PTPRD: variants seen among roughly 807,000 people sequenced by gnomAD.
PTPRD encodes protein tyrosine phosphatase receptor type D.
In PTPRD, 34 loss-of-function variants were observed where a neutral mutation model predicts 214.5. The ratio of observed to expected loss-of-function variants is 0.16; its 90% CI spans 0.12 to 0.21. The LOEUF is 0.21. Ranked by LOEUF, PTPRD falls within the 10% of genes least tolerant of loss-of-function variation. The probability of loss-of-function intolerance (pLI) is 1.00; values close to 1 mark genes in which losing one functional copy is unlikely to be tolerated. For synonymous variants in PTPRD, 1,128 were observed against 845.7 expected, an observed-to-expected ratio of 1.33 and a Z score of -5.79; for missense variants, 2,545 against 2,398.7, an observed-to-expected ratio of 1.06 and a Z score of -1.27.
chr9:9,654,638 C>T (rs2096462380), intron 7 of PTPRD, among the ~76,000 whole-genome samples: 1 of 152,020 alleles, frequency 6.6e-6, no homozygotes, highest in Non-Finnish European at 1.5e-5. Context: ...TTCTACATTC[C>T]CATGTTTGGT....
intron 12 of PTPRD, among the ~76,000 whole-genome samples, chr9:8,645,661 G>T (rs76757259): frequency 0.087 from 13,151 of 151,636 alleles, 677 homozygotes; most frequent in Middle Eastern, 0.17. Context: ...GAAGAAGAAA[G>T]GGAAGGAAGA....
chr9:10,372,515 TA>T (rs2097647099), intron 2 of PTPRD, among the ~76,000 whole-genome samples: 1 of 152,084 alleles, frequency 6.6e-6, no homozygotes, highest in Non-Finnish European at 1.5e-5. Context: ...CTTGAATTCT[TA>T]CCTTAAATTT....
At chr9:10,327,393 G>A (rs890627717) in intron 3 of PTPRD, among the ~76,000 whole-genome samples, 1 of 151,378 alleles carries the variant, frequency 6.6e-6, no homozygotes, top group Non-Finnish European at 1.5e-5. Context: ...ATCATAAAAT[G>A]TATGTGTTTC....
chr9:10,135,781 A>G (rs2154262316), intron 3 of PTPRD, among the ~76,000 whole-genome samples: 1 of 152,096 alleles, frequency 6.6e-6, no homozygotes, highest in Non-Finnish European at 1.5e-5. Context: ...AAACACACTT[A>G]AGTACATTTC....
intron 6 of PTPRD, among the ~76,000 whole-genome samples, chr9:9,756,423 A>C: frequency 6.6e-6 from 1 of 152,128 alleles, no homozygotes; most frequent in Middle Eastern, 3.2e-3. Flanking sequence ...GTTTACGTTC[A>C]TTGTATTGGT....
intron 2 of PTPRD, among the ~76,000 whole-genome samples, chr9:10,479,662 C>CTAAATAAATACATAAATACATAAATAAAT (rs2099085246): frequency 1.9e-5 from 1 of 52,596 alleles, no homozygotes; most frequent in Non-Finnish European, 4.3e-5. Flanking sequence ...AATAAATAAA[C>CTAAATAAATACATAAATACATAAATAAAT]AAAAATACAA....
chr9:10,144,744 C>T (rs978415514), intron 3 of PTPRD, among the ~76,000 whole-genome samples: 6 of 152,184 alleles, frequency 3.9e-5, no homozygotes, highest in African/African-American at 1.4e-4. Context: ...TATATGGCTG[C>T]TGAAACGATC....
intron 3 of PTPRD, among the ~76,000 whole-genome samples, chr9:10,173,044 C>T (rs1333139151): frequency 1.3e-5 from 2 of 152,078 alleles, no homozygotes; most frequent in East Asian, 1.9e-4. Flanking sequence ...GTATTAATTA[C>T]CTAACAAATA....
At chr9:8,681,124 C>T (rs1169489470) in intron 12 of PTPRD, among the ~76,000 whole-genome samples, 9 of 152,146 alleles carry the variant, frequency 5.9e-5, no homozygotes, top group South Asian at 2.1e-4. Flanking sequence ...ACCAAGGTTA[C>T]GTCATTCCCA....
chr9:9,635,786 C>T (rs1278408566), intron 7 of PTPRD, among the ~76,000 whole-genome samples: 2 of 152,176 alleles, frequency 1.3e-5, no homozygotes, highest in African/African-American at 4.8e-5. Context: ...TGCAAACCAT[C>T]TCAAATCTTG....
chr9:10,239,303 G>A (rs1476760332), intron 3 of PTPRD, among the ~76,000 whole-genome samples: 1 of 151,892 alleles, frequency 6.6e-6, no homozygotes, highest in East Asian at 1.9e-4. Context: ...TAATAAATGT[G>A]ATAAAGTAAA....
At chr9:9,609,729 C>A (rs2094414780) in intron 7 of PTPRD, among the ~76,000 whole-genome samples, 1 of 152,164 alleles carries the variant, frequency 6.6e-6, no homozygotes, top group South Asian at 2.1e-4. Context: ...TCCCAAAGCG[C>A]TGGGATCACA....
chr9:8,854,683 G>A (rs1274928765), intron 11 of PTPRD, among the ~76,000 whole-genome samples: 1 of 152,108 alleles, frequency 6.6e-6, no homozygotes, highest in Non-Finnish European at 1.5e-5. Context: ...TGTATAGTGC[G>A]TCTTCAGTCC....
intron 9 of PTPRD, among the ~76,000 whole-genome samples, chr9:9,349,784 T>C (rs762638724): frequency 6.6e-6 from 1 of 151,994 alleles, no homozygotes; most frequent in African/African-American, 2.4e-5. Context: ...TAAATAATTG[T>C]AAATATGTCT....
intron 9 of PTPRD, among the ~76,000 whole-genome samples, chr9:9,261,707 C>A (rs1392874471): frequency 6.6e-6 from 1 of 150,792 alleles, no homozygotes; most frequent in Admixed American, 6.6e-5. Context: ...AATCAAGGCA[C>A]TGTAATGGAA....
intron 5 of PTPRD, among the ~76,000 whole-genome samples, chr9:9,909,584 T>C (rs1277488172): frequency 6.6e-6 from 1 of 151,954 alleles, no homozygotes; most frequent in Non-Finnish European, 1.5e-5. Flanking sequence ...CACTGTAAAA[T>C]GTATAAAATA....
chr9:9,286,870 C>A (rs1156863870), intron 9 of PTPRD, among the ~76,000 whole-genome samples: 1 of 73,946 alleles, frequency 1.4e-5, no homozygotes, highest in African/African-American at 4.8e-5. Context: ...CTTGAAACTA[C>A]TGAATATATA....
At chr9:10,490,265 C>A (rs2039759665) in intron 2 of PTPRD, among the ~76,000 whole-genome samples, 1 of 152,008 alleles carries the variant, frequency 6.6e-6, no homozygotes, top group African/African-American at 2.4e-5. Flanking sequence ...ATTGCAAAAG[C>A]AGTGTGTGAT....
At chr9:9,927,244 T>C (rs1197836589) in intron 5 of PTPRD, among the ~76,000 whole-genome samples, 2 of 152,094 alleles carry the variant, frequency 1.3e-5, no homozygotes, top group Non-Finnish European at 2.9e-5. Context: ...AGGAGGAGCA[T>C]GAAATAAAGA....
Sources: gnomAD v4.1 joint callset for allele counts (sites outside exome capture counted in the v4.1 genomes callset) on GRCh38, gnomAD v4.1.1 for gene constraint, MANE v1.5 for transcripts, NCBI Gene and HGNC (gene_info 2026-07-23, HGNC 2026-07-21) for gene names.